CNGB3: variants seen among roughly 807,000 people sequenced by gnomAD.
CNGB3 encodes the protein cyclic nucleotide gated channel subunit beta 3, also known as cyclic nucleotide-gated channel beta-3.
CNGB3 carries 86 observed loss-of-function variants against 92.8 expected under a neutral mutation model. That is an observed-to-expected ratio of 0.93 (90% CI 0.78 to 1.11). CNGB3 has a LOEUF of 1.11. Ranked by LOEUF, CNGB3 falls within the 50% of genes least tolerant of loss-of-function variation. The pLI is 0.00. For missense variants in CNGB3, 1,026 were observed against 956.8 expected (o/e 1.07, Z -0.95); for synonymous variants, 333 against 332.7 (o/e 1.00, Z -0.01).
At chr8:86,601,202 A>C (rs1822290663) in intron 15 of CNGB3, among the ~76,000 whole-genome samples, 2 of 152,072 alleles carry the variant, frequency 1.3e-5, no homozygotes. Flanking sequence ...AAGAATAAAA[A>C]CTCAGATGTG....
chr8:86,648,387 G>T (rs77825481), intron 7 of CNGB3, among the ~76,000 whole-genome samples: 1 of 150,986 alleles, frequency 6.6e-6, no homozygotes, highest in Non-Finnish European at 1.5e-5. Flanking sequence ...TGTCTACTTC[G>T]AACCATTTTG....
rs143364414 is a variant in CNGB3 at position 86,586,282 on chromosome 8, T to C, written c.1782-7030A>G. Among the ~76,000 whole-genome samples the C allele has an allele frequency of 3.3e-5, 5 of 152,306 alleles. No homozygotes were observed. In the East Asian group the frequency reaches 7.7e-4, roughly 23 times the overall value. Reference sequence around the variant, plus strand: ...TATGCAGATAGCCAATTAGCAAATATTATTACTACTAAGAATATTGTAATA... The same window carrying C: ...TATGCAGATAGCCAATTAGCAAATACTATTACTACTAAGAATATTGTAATA... On this transcript the variant is annotated intron_variant, in intron 15 of 17. Coordinates refer to ENST00000320005, the MANE Select transcript of CNGB3 (RefSeq NM_019098.5).
At chr8:86,635,025 A>G (rs1211639297) in intron 10 of CNGB3, among the ~76,000 whole-genome samples, 3 of 151,576 alleles carry the variant, frequency 2.0e-5, no homozygotes, top group Non-Finnish European at 2.9e-5. Flanking sequence ...ACTCTTTGGT[A>G]GGGCTTGAAA....
chr8:86,585,068 G>C (rs1029984516), intron 15 of CNGB3, among the ~76,000 whole-genome samples: 2 of 152,144 alleles, frequency 1.3e-5, no homozygotes, highest in African/African-American at 4.8e-5. Context: ...TTATCTTTAA[G>C]AAGAAATAGT....
At chr8:86,617,783 C>A (rs1241860682) in intron 13 of CNGB3, among the ~76,000 whole-genome samples, 1 of 152,128 alleles carries the variant, frequency 6.6e-6, no homozygotes, top group Non-Finnish European at 1.5e-5. Flanking sequence ...TGAAACTAAT[C>A]CAGCAGTCCC....
chr8:86,679,818 G>A (rs773542577), intron 3 of CNGB3, among the ~76,000 whole-genome samples: 11 of 152,242 alleles, frequency 7.2e-5, no homozygotes, highest in South Asian at 4.1e-4. Context: ...GAGCCACCGC[G>A]TCTGGCCAGG....
intron 2 of CNGB3, among the ~76,000 whole-genome samples, chr8:86,736,707 T>C (rs1825255105): frequency 6.6e-6 from 1 of 152,128 alleles, no homozygotes; most frequent in Non-Finnish European, 1.5e-5. Flanking sequence ...GTCTTCTCCT[T>C]TTAAACAAAT....
At chr8:86,624,247 C>T (rs111791967) in intron 13 of CNGB3, among the ~76,000 whole-genome samples, 12 of 152,168 alleles carry the variant, frequency 7.9e-5, no homozygotes, top group African/African-American at 2.6e-4. Flanking sequence ...GGCGAAACCC[C>T]GTCTCTACTA....
intron 15 of CNGB3, among the ~76,000 whole-genome samples, chr8:86,596,772 A>C (rs1822179891): frequency 6.6e-6 from 1 of 152,222 alleles, no homozygotes. Flanking sequence ...ACTTGGAATC[A>C]AACCAAATGT....
intron 3 of CNGB3, among the ~76,000 whole-genome samples, chr8:86,702,164 C>G (rs559561854): frequency 3.3e-5 from 5 of 152,256 alleles, no homozygotes. Context: ...AAGAGGCAAA[C>G]AGATGAAGCT....
Position 86,642,829 on chromosome 8 carries a change from C to G in CNGB3, c.1178+922G>C, listed in dbSNP as rs1480976353. Among the ~76,000 whole-genome samples the G allele has an allele frequency of 3.3e-5, 5 of 151,368 alleles. No homozygotes were observed. In the East Asian group the frequency reaches 9.7e-4, roughly 29 times the overall value. The stretch of plus-strand genomic sequence containing the variant: ...TTTTATTTCTGGGACACTTGCATAC[C>G]TAATTGTCAAGTTTAATTTATGATC... On this transcript the variant is annotated intron_variant, in intron 10 of 17. Transcript: ENST00000320005.
At chr8:86,619,440 AAT>A (rs754003715) in intron 13 of CNGB3, among the ~76,000 whole-genome samples, 1 of 151,898 alleles carries the variant, frequency 6.6e-6, no homozygotes, top group Non-Finnish European at 1.5e-5. Flanking sequence ...GTGAAAAATT[AAT>A]ATATATATAT....
At chr8:86,589,276 T>C (rs1248762450) in intron 15 of CNGB3, among the ~76,000 whole-genome samples, 1 of 151,292 alleles carries the variant, frequency 6.6e-6, no homozygotes, top group Non-Finnish European at 1.5e-5. Context: ...TTGTTGATCC[T>C]TTCAAAAAAC....
rs1563749108 is a variant in CNGB3 at position 86,671,024 on chromosome 8, C to T, written c.413G>A (p.Arg138Lys). 1.2e-6 allele frequency: 2 copies of T among 1,613,846 alleles called. No individual in the cohort carries two copies. Among genetic ancestry groups the T allele is most frequent in the East Asian group, 4.5e-5 (2 of 44,868 alleles). The change falls in exon 4 of 18, where the codon AGA becomes AAA. Residue 138 changes from arginine to lysine, a missense_variant. Physicochemically the swap from Arg to Lys is conservative, Grantham distance 26. Transcript: ENST00000320005. ...ADAQLHNLVK[R>K]MRQRTALYKK... ...GTAGAGGGCTGTTCTTTGACGCATTCTTTTCACCAGGTTGTGTAGCTGGGC... is the reference window on the plus strand; with the variant it reads ...GTAGAGGGCTGTTCTTTGACGCATTTTTTTCACCAGGTTGTGTAGCTGGGC...
intron 6 of CNGB3, chr8:86,661,311 G>T: frequency 2.6e-6 from 1 of 378,560 alleles, no homozygotes; most frequent in African/African-American, 2.1e-5. Flanking sequence ...TGTCATTTAC[G>T]AGTTCCACTG....
intron 15 of CNGB3, among the ~76,000 whole-genome samples, chr8:86,589,037 A>G (rs949347690): frequency 6.6e-6 from 1 of 152,132 alleles, no homozygotes; most frequent in Non-Finnish European, 1.5e-5. Flanking sequence ...GTCTATTCAG[A>G]GATTCAACTT....
chr8:86,657,835 C>A, intron 6 of CNGB3: 2 of 521,408 alleles, frequency 3.8e-6, no homozygotes, highest in South Asian at 2.9e-5. Flanking sequence ...GTCTTCAGCA[C>A]TGACCTCTAG....
chr8:86,601,924 G>T (rs1283998393), intron 15 of CNGB3, among the ~76,000 whole-genome samples: 1 of 152,192 alleles, frequency 6.6e-6, no homozygotes, highest in East Asian at 1.9e-4. Context: ...AGAAGCTGCT[G>T]TCAGGAATCT....
chr8:86,648,586 G>A (rs1245517219), intron 7 of CNGB3, among the ~76,000 whole-genome samples: 3 of 151,036 alleles, frequency 2.0e-5, no homozygotes, highest in East Asian at 1.9e-4. Context: ...TGTTACCCTG[G>A]TCATTATGAA....
Sources: allele counts gnomAD v4.1 joint callset (sites outside exome capture counted in the v4.1 genomes callset), GRCh38; gene constraint gnomAD v4.1.1; transcripts MANE v1.5; gene names NCBI Gene and HGNC (gene_info 2026-07-23, HGNC 2026-07-21).